Variants in HDHD5 observed in about 807,000 individuals in gnomAD.
HDHD5 encodes haloacid dehalogenase like hydrolase domain containing 5.
In HDHD5, 34 loss-of-function variants were observed where a neutral mutation model predicts 35.5. The ratio of observed to expected loss-of-function variants is 0.96; its 90% confidence interval spans 0.73 to 1.28. The LOEUF is 1.28. Ranked by LOEUF, HDHD5 falls within the 50% of genes most tolerant of loss-of-function variation. HDHD5 has a pLI of 0.00. For synonymous variants in HDHD5, 248 were observed against 240.6 expected (o/e 1.03, Z -0.29); for missense variants, 589 against 560.2 (o/e 1.05, Z -0.52).
At chr22:17,156,779 C>CAA (rs60997541) in intron 1 of HDHD5, among the ~76,000 whole-genome samples, 15 of 92,232 alleles carry the variant, frequency 1.6e-4, no homozygotes, top group African/African-American at 2.7e-4. Flanking sequence ...GACTCCGTCT[C>CAA]AAAAAAAAAA....
At position 17,138,086 on chromosome 22, in the gene HDHD5, C is replaced by T. The variant is rs1238499650; in HGVS notation, c.1207G>A (p.Val403Met). 5 of 1,614,170 alleles carry T rather than the reference C, an allele frequency of 3.1e-6. No individual in the cohort carries two copies. Among genetic ancestry groups the T allele is most frequent in the East Asian group, 2.2e-5 (1 of 44,868 alleles). Residue 403 changes from valine (V) to methionine (M), a missense_variant, in exon 8 of 8, where the codon GTG becomes ATG. Transcript: ENST00000336737. ...FSPGLMEASH[V>M]VNDVNEAVQL... Reference sequence around the variant, plus strand: ...ACAGCCTCATTCACGTCATTCACCACGTGGGAGGCCTCCATGAGCCCTGGA... The same window carrying T: ...ACAGCCTCATTCACGTCATTCACCATGTGGGAGGCCTCCATGAGCCCTGGA...
At chr22:17,148,747 C>G (rs2061693894) in intron 2 of HDHD5, among the ~76,000 whole-genome samples, 187 bp from the exon 3 acceptor site, 1 of 152,182 alleles carries the variant, frequency 6.6e-6, no homozygotes, top group South Asian at 2.1e-4. Flanking sequence ...TGAGAAGAAC[C>G]TGTCTCATTT....
intron 1 of HDHD5, among the ~76,000 whole-genome samples, chr22:17,152,028 G>A (rs542562666): frequency 1.3e-5 from 2 of 152,148 alleles, no homozygotes; most frequent in Non-Finnish European, 2.9e-5. Context: ...CTAGATGAGT[G>A]GTTCCTGCCT....
upstream of HDHD5, chr22:17,159,558 T>C: frequency 2.3e-6 from 1 of 440,764 alleles, no homozygotes; most frequent in South Asian, 1.6e-5. Context: ...CCCGGTAACA[T>C]TGCGCGGCAG....
At position 17,149,775 on chromosome 22, in the gene HDHD5, C is replaced by T. The variant is rs746305354; in HGVS notation, c.127-30G>A. On this transcript the variant is annotated intron_variant, in intron 1 of 7. Coordinates refer to ENST00000336737, the MANE Select transcript of HDHD5 (RefSeq NM_033070.3). Reference sequence around the variant, plus strand: ...AGAGATGGTAAGATAATTACCAGTACGTGAGTAACAAAGAAACAACCCTTA... The same window carrying T: ...AGAGATGGTAAGATAATTACCAGTATGTGAGTAACAAAGAAACAACCCTTA... The T allele has an allele frequency of 1.6e-5, 25 of 1,595,346 alleles. No homozygotes were observed. In the Middle Eastern group the frequency reaches 5.1e-4, roughly 32 times the overall value.
intron 1 of HDHD5, among the ~76,000 whole-genome samples, chr22:17,157,488 TG>T (rs1194381166): frequency 1.3e-5 from 2 of 152,196 alleles, no homozygotes; most frequent in African/African-American, 2.4e-5. Context: ...GCTAACAGAC[TG>T]CACAGGATTC....
Position 17,141,134 on chromosome 22 carries a change from G to T in HDHD5, c.671C>A (p.Thr224Lys). The change falls in exon 6 of 8, where the codon ACA becomes AAA. Residue 224 changes from threonine (T) to lysine (K), a missense_variant. By Grantham distance (78) the Thr-to-Lys change is moderately conservative. Coordinates refer to ENST00000336737, the MANE Select transcript of HDHD5 (RefSeq NM_033070.3). The stretch of plus-strand genomic sequence containing the variant: ...GACGGGGAGGTGGGGGTAGGGGGGT[G>T]TTGCCAGGCCAGCCCCAGGGCTCCC... Reference protein sequence around the residue: ...SNGSPGAGLATPPYPHLPVLA... With the variant: ...SNGSPGAGLAKPPYPHLPVLA... 6.3e-7 allele frequency: 1 copy of T among 1,594,664 alleles called. No homozygotes were observed. Among genetic ancestry groups the T allele is most frequent in the Non-Finnish European group, 8.5e-7 (1 of 1,172,442 alleles).
chr22:17,152,451 G>A (rs190302466), intron 1 of HDHD5, among the ~76,000 whole-genome samples: 33 of 152,220 alleles, frequency 2.2e-4, no homozygotes, highest in African/African-American at 6.7e-4. Context: ...GGAGCCACAC[G>A]GACTCCCATG....
chr22:17,149,768 A>G (rs1371955332), intron 1 of HDHD5, 23 bp from the exon 2 acceptor site: 1 of 1,606,206 alleles, frequency 6.2e-7, no homozygotes, highest in South Asian at 1.1e-5. Flanking sequence ...TAAGATAATT[A>G]CCAGTACGTG....
chr22:17,165,223 G>A, exon 1 of HDHD5: 1 of 777,898 alleles, frequency 1.3e-6, no homozygotes, highest in Non-Finnish European at 2.4e-6. Context: ...GAGAAGCTGG[G>A]AAGAAAGAAC....
intron 1 of HDHD5, among the ~76,000 whole-genome samples, chr22:17,154,827 C>G (rs1023022013): frequency 2.6e-5 from 4 of 151,512 alleles, no homozygotes; most frequent in Admixed American, 2.6e-4. Flanking sequence ...GACAGGGTCT[C>G]CCTATGTTGC....
At position 17,149,578 on chromosome 22, in the gene HDHD5, G is replaced by C. The variant is rs1281426858; in HGVS notation, c.294C>G (p.Ser98Arg). 1.2e-6 allele frequency: 2 copies of C among 1,612,696 alleles called. No individual in the cohort carries two copies. Among genetic ancestry groups the C allele is most frequent in the South Asian group, 1.1e-5 (1 of 91,016 alleles). Residue 98 changes from serine (S) to arginine (R), a missense_variant, in exon 2 of 8, where the codon AGC (serine) becomes AGG (arginine). Transcript: ENST00000336737. ...GCAGGGCTGACAGCTCCTGGGCTTT[G>C]CTGTGTTGTAAGATGTTCCCAGCAT... is the stretch of plus-strand genomic sequence containing the variant. ...VTNAGNILQH[S>R]KAQELSALLG...
At chr22:17,163,678 C>T (rs187397140), upstream of HDHD5, among the ~76,000 whole-genome samples, 335 of 152,318 alleles carry the variant, frequency 2.2e-3, 2 homozygotes, top group Middle Eastern at 3.4e-3. Flanking sequence ...GCCTTGCTTT[C>T]GGTCATCCTC....
intron 1 of HDHD5, among the ~76,000 whole-genome samples, chr22:17,154,524 A>C (rs111361275): frequency 6.6e-6 from 1 of 152,104 alleles, no homozygotes; most frequent in South Asian, 2.1e-4. Flanking sequence ...ATAAATTTTT[A>C]AAAGGCCTAG....
upstream of HDHD5, chr22:17,159,420 G>A (rs1184855859): frequency 1.4e-6 from 1 of 717,736 alleles, no homozygotes; most frequent in East Asian, 5.8e-5. Flanking sequence ...GGCCAAAGGG[G>A]CTCCGTTGCA....
chr22:17,144,605 G>A (rs369944456), intron 4 of HDHD5, among the ~76,000 whole-genome samples: 1 of 152,090 alleles, frequency 6.6e-6, no homozygotes, highest in South Asian at 2.1e-4. Context: ...GTAGAGACGG[G>A]GTTTCACCAT....
At chr22:17,158,936 CA>C in intron 1 of HDHD5, 189 bp downstream of exon 1, 1 of 446,422 alleles carries the variant, frequency 2.2e-6, no homozygotes, top group Non-Finnish European at 3.4e-6. Flanking sequence ...CCGAGGCCGC[CA>C]GCGAGTCAGA....
At position 17,138,108 on chromosome 22, in the gene HDHD5, T is replaced by C. The variant is rs1381520870; in HGVS notation, c.1185A>G (p.Pro395=). The change falls in exon 8 of 8, where the codon CCA becomes CCG. Residue 395 remains proline (P), a synonymous_variant. Transcript: ENST00000336737. ...FHGHRDLCFS[P]GLMEASHVVN... is the part of the protein sequence containing the mutation. ...CCACGTGGGAGGCCTCCATGAGCCC[T>C]GGACTGAAGCATAAGTCTCGGTGCC... 6.2e-7 allele frequency: 1 copy of C among 1,614,080 alleles called. No individual in the cohort carries two copies. The highest frequency in any genetic ancestry group is 8.5e-7 in the Non-Finnish European group (1 of 1,180,008).
rs1365446496 is a variant in HDHD5 at position 17,138,661 on chromosome 22, C to T, written c.824G>A (p.Gly275Asp). 1.2e-6 allele frequency: 2 copies of T among 1,614,212 alleles called. No homozygotes were observed. The highest frequency in any genetic ancestry group is 1.7e-6 in the Non-Finnish European group (2 of 1,180,032). The change falls in exon 7 of 8, where the codon GGC becomes GAC. Residue 275 changes from glycine (G) to aspartate (D), a missense_variant. Transcript: ENST00000336737. ...KVTGKELRYE[G>D]LMGKPSILTY... is the part of the protein sequence containing the mutation. ...GAGGATGCTGGGTTTGCCCATCAGG[C>T]CCTCGTATCTCAGCTCCTTGCCCGT...
Sources: gnomAD v4.1 joint callset for allele counts (sites outside exome capture counted in the v4.1 genomes callset) on GRCh38, gnomAD v4.1.1 for gene constraint, MANE v1.5 for transcripts, NCBI Gene and HGNC (gene_info 2026-07-23, HGNC 2026-07-21) for gene names.